The following MAP6 variants were observed in gnomAD, a reference collection of about 807,000 sequenced individuals.
The protein encoded by MAP6 is microtubule-associated protein 6.
A neutral mutation model predicts 42.4 loss-of-function variants in MAP6; 26 were observed. The ratio of observed to expected loss-of-function variants is 0.61; its 90% CI spans 0.45 to 0.85. The LOEUF is 0.85. Among genes scored for constraint, MAP6 ranks in the 40% least tolerant of loss-of-function variants. The pLI, the probability that MAP6 is intolerant of heterozygous loss-of-function variation, is 0.00. For synonymous variants in MAP6, 418 were observed against 443.8 expected, an observed-to-expected ratio of 0.94 and a Z score of 0.73; for missense variants, 966 against 1,099.0, an observed-to-expected ratio of 0.88 and a Z score of 1.71.
intron 2 of MAP6, chr11:75,607,286 G>A: frequency 1.0e-6 from 1 of 985,432 alleles, no homozygotes; most frequent in Non-Finnish European, 1.2e-6. Flanking sequence ...GCAGAGAAAA[G>A]GATAATTAGG....
intron 1 of MAP6, among the ~76,000 whole-genome samples, chr11:75,643,661 A>C (rs556678642): frequency 6.6e-6 from 1 of 152,328 alleles, no homozygotes; most frequent in South Asian, 2.1e-4. Context: ...TATTGAACAC[A>C]GTGATAAGAA....
chr11:75,665,194 T>C (rs552090742), intron 1 of MAP6, among the ~76,000 whole-genome samples: 1 of 152,206 alleles, frequency 6.6e-6, no homozygotes, highest in Non-Finnish European at 1.5e-5. Context: ...AATCCAGTCA[T>C]TTCCAGTATG....
At chr11:75,659,899 T>A (rs1230888657) in intron 1 of MAP6, among the ~76,000 whole-genome samples, 1 of 152,246 alleles carries the variant, frequency 6.6e-6, no homozygotes, top group Admixed American at 6.5e-5. Context: ...TTAGATACAA[T>A]CCTTCCCTAT....
intron 1 of MAP6, among the ~76,000 whole-genome samples, chr11:75,618,184 T>C (rs968338877): frequency 2.6e-5 from 4 of 151,956 alleles, no homozygotes; most frequent in South Asian, 2.1e-4. Context: ...CATCATTTTA[T>C]GACTTCTTGA....
chr11:75,637,463 G>A (rs1164801266), intron 1 of MAP6, among the ~76,000 whole-genome samples: 3 of 152,238 alleles, frequency 2.0e-5, no homozygotes, highest in South Asian at 4.1e-4. Flanking sequence ...GTCTTGAATG[G>A]GCTAATTTTG....
At chr11:75,590,047 G>A (rs937992725) in intron 3 of MAP6, among the ~76,000 whole-genome samples, 3 of 152,188 alleles carry the variant, frequency 2.0e-5, no homozygotes, top group South Asian at 4.1e-4. Flanking sequence ...ATGGAACACA[G>A]CTGCTCTGGC....
At chr11:75,595,490 C>CT (rs1350429526) in intron 3 of MAP6, among the ~76,000 whole-genome samples, 3 of 152,202 alleles carry the variant, frequency 2.0e-5, no homozygotes, top group Non-Finnish European at 4.4e-5. Flanking sequence ...CAGTGTAACT[C>CT]CAGAACTAAA....
intron 1 of MAP6, among the ~76,000 whole-genome samples, chr11:75,617,036 G>A (rs1943006809): frequency 6.6e-6 from 1 of 152,172 alleles, no homozygotes; most frequent in Non-Finnish European, 1.5e-5. Flanking sequence ...GGCAATGATA[G>A]GTGTCAAGGT....
At chr11:75,597,342 T>C (rs2135577142) in intron 3 of MAP6, 1 of 152,370 alleles carries the variant, frequency 6.6e-6, no homozygotes, top group Admixed American at 6.5e-5. Flanking sequence ...GTTTTCTTTG[T>C]GGTTATTTAC....
intron 3 of MAP6, 106 bp downstream of exon 3, chr11:75,605,702 G>A (rs1942750678): frequency 7.2e-6 from 11 of 1,532,456 alleles, no homozygotes; most frequent in Admixed American, 2.1e-5. Flanking sequence ...CAGATGAGAA[G>A]CCTCTAATTA....
At chr11:75,605,001 C>G (rs1942733464) in intron 3 of MAP6, 1 of 985,380 alleles carries the variant, frequency 1.0e-6, no homozygotes, top group South Asian at 4.7e-5. Flanking sequence ...ACCGGTCGCT[C>G]TGCGAAACCA....
intron 3 of MAP6, among the ~76,000 whole-genome samples, chr11:75,592,842 C>T (rs1565252499): frequency 6.6e-6 from 1 of 152,226 alleles, no homozygotes; most frequent in African/African-American, 2.4e-5. Flanking sequence ...CCCTTCACCC[C>T]TCTCCTTCCT....
intron 1 of MAP6, among the ~76,000 whole-genome samples, chr11:75,615,516 T>C (rs1942980618): frequency 6.6e-6 from 1 of 152,014 alleles, no homozygotes; most frequent in Non-Finnish European, 1.5e-5. Context: ...AGAAATGCAG[T>C]ATGTACAGAG....
chr11:75,601,337 C>G (rs577221678), intron 3 of MAP6, among the ~76,000 whole-genome samples: 1 of 152,308 alleles, frequency 6.6e-6, no homozygotes, highest in South Asian at 2.1e-4. Flanking sequence ...CGTTTTGTCT[C>G]TCTCCCTTAA....
intron 1 of MAP6, among the ~76,000 whole-genome samples, chr11:75,663,215 G>A (rs975733159): frequency 1.3e-5 from 2 of 152,036 alleles, no homozygotes; most frequent in Non-Finnish European, 1.5e-5. Flanking sequence ...TCCTGACCTC[G>A]TGATCTGCCC....
intron 1 of MAP6, among the ~76,000 whole-genome samples, chr11:75,629,310 A>C (rs1056509000): frequency 4.0e-5 from 6 of 151,576 alleles, no homozygotes; most frequent in Non-Finnish European, 5.9e-5. Flanking sequence ...CTGGTCTCCA[A>C]CTCCTGGTCT....
At chr11:75,609,139 G>A (rs1361811863) in intron 1 of MAP6, among the ~76,000 whole-genome samples, 2 of 152,124 alleles carry the variant, frequency 1.3e-5, no homozygotes, top group African/African-American at 4.8e-5. Flanking sequence ...CCATCTCGTG[G>A]TTTCTAATCA....
chr11:75,611,656 T>C (rs768406916), intron 1 of MAP6, among the ~76,000 whole-genome samples: 15 of 152,192 alleles, frequency 9.9e-5, no homozygotes, highest in Non-Finnish European at 2.2e-4. Flanking sequence ...AAAAGAACTT[T>C]CTTTGAACTC....
At chr11:75,627,966 TG>T (rs1332975045) in intron 1 of MAP6, among the ~76,000 whole-genome samples, 6 of 152,122 alleles carry the variant, frequency 3.9e-5, no homozygotes, top group African/African-American at 1.4e-4. Context: ...GCAAGAGCTC[TG>T]TGTGCTGTGA....
Sources: allele counts gnomAD v4.1 joint callset (sites outside exome capture counted in the v4.1 genomes callset), GRCh38; gene constraint gnomAD v4.1.1; transcripts MANE v1.5; gene names NCBI Gene and HGNC (gene_info 2026-07-23, HGNC 2026-07-21).